The following RAD51B variants were observed in gnomAD, a reference collection of about 807,000 sequenced individuals.
The protein encoded by RAD51B is RAD51 paralog B.
In RAD51B, 38 loss-of-function variants were observed where a neutral mutation model predicts 42.2. The observed-to-expected ratio is 0.90, with a 90% CI of 0.70 to 1.18. The LOEUF (loss-of-function observed/expected upper bound fraction) is 1.18. Ranked by LOEUF, RAD51B falls within the 50% of genes most tolerant of loss-of-function variation. The pLI is 0.00. For synonymous variants in RAD51B, 154 were observed against 145.2 expected (o/e 1.06, Z -0.43); for missense variants, 373 against 400.7 (o/e 0.93, Z 0.59).
intron 7 of RAD51B, among the ~76,000 whole-genome samples, chr14:68,111,380 A>G (rs2077456965): frequency 6.6e-6 from 1 of 152,078 alleles, no homozygotes; most frequent in Non-Finnish European, 1.5e-5. Flanking sequence ...AATAGAGGCC[A>G]GGAATAAGTT....
At chr14:68,487,970 G>A (rs2140275776) in intron 10 of RAD51B, among the ~76,000 whole-genome samples, 1 of 152,192 alleles carries the variant, frequency 6.6e-6, no homozygotes, top group East Asian at 1.9e-4. Context: ...CTTCTTATCT[G>A]ATTGGGAAAA....
chr14:68,280,727 T>C (rs1370083320), intron 7 of RAD51B, among the ~76,000 whole-genome samples: 1 of 152,116 alleles, frequency 6.6e-6, no homozygotes, highest in Non-Finnish European at 1.5e-5. Flanking sequence ...ACATAAAAAG[T>C]CTTGTACTAA....
At chr14:68,084,821 G>A (rs146117314) in intron 7 of RAD51B, among the ~76,000 whole-genome samples, 30 of 152,190 alleles carry the variant, frequency 2.0e-4, no homozygotes, top group Non-Finnish European at 3.5e-4. Flanking sequence ...TGACTTGTAC[G>A]CTGCTGTGTG....
intron 9 of RAD51B, among the ~76,000 whole-genome samples, chr14:68,447,711 G>A (rs1477376888): frequency 1.3e-5 from 2 of 152,012 alleles, no homozygotes; most frequent in Non-Finnish European, 2.9e-5. Flanking sequence ...TTGGGTTTTA[G>A]TTAGCCATTC....
Position 68,087,893 on chromosome 14 carries a change from ATATTATTT to A in RAD51B, c.756+200690_756+200697del, listed in dbSNP as rs1566634259. Among the ~76,000 whole-genome samples the A allele has an allele frequency of 6.1e-4, 72 of 117,704 alleles. 2 individuals are homozygous for A. The highest frequency in any genetic ancestry group is 2.6e-3 in the African/African-American group (71 of 26,940). 77.2% of individuals were successfully genotyped at this position (117,704 alleles called of 152,430 possible). On this transcript the variant is annotated intron_variant, in intron 7 of 10. Coordinates refer to ENST00000471583, the MANE Select transcript of RAD51B (RefSeq NM_133510.4). The stretch of plus-strand genomic sequence containing the variant: ...TATATTATTTATATAATTATATAAT[ATATTATTT>A]ATATAATTATATAATATATTATATA...
intron 10 of RAD51B, among the ~76,000 whole-genome samples, chr14:68,641,531 T>G (rs1191780380): frequency 7.4e-6 from 1 of 135,452 alleles, no homozygotes; most frequent in African/African-American, 2.8e-5. Flanking sequence ...CTTCCTGATC[T>G]TAGTGGAAAA....
intron 7 of RAD51B, among the ~76,000 whole-genome samples, chr14:68,186,722 G>A (rs1444713816): frequency 6.6e-6 from 1 of 152,098 alleles, no homozygotes; most frequent in Admixed American, 6.5e-5. Context: ...ACAACATGTT[G>A]GCAAGACTGC....
chr14:68,465,784 A>G (rs1023316616), intron 9 of RAD51B, among the ~76,000 whole-genome samples: 220 of 151,944 alleles, frequency 1.4e-3, no homozygotes, highest in African/African-American at 5.0e-3. Flanking sequence ...CACTAAAAAT[A>G]TAAAAAATTA....
intron 7 of RAD51B, among the ~76,000 whole-genome samples, chr14:68,090,213 T>C (rs2077066803): frequency 6.6e-6 from 1 of 152,188 alleles, no homozygotes; most frequent in Non-Finnish European, 1.5e-5. Flanking sequence ...ATCTCGTTAA[T>C]CTTCCAGCAT....
chr14:68,349,583 C>T (rs1443158873), intron 8 of RAD51B, among the ~76,000 whole-genome samples: 1 of 152,156 alleles, frequency 6.6e-6, no homozygotes, highest in Non-Finnish European at 1.5e-5. Flanking sequence ...CCAGGCTGGT[C>T]TCGAACTCCA....
intron 9 of RAD51B, among the ~76,000 whole-genome samples, chr14:68,445,379 A>G (rs2085398587): frequency 1.3e-5 from 2 of 151,848 alleles, no homozygotes; most frequent in African/African-American, 4.8e-5. Context: ...TAAAAACAAC[A>G]ACGACAGTAA....
intron 7 of RAD51B, among the ~76,000 whole-genome samples, chr14:68,084,564 T>C (rs2076957368): frequency 6.6e-6 from 1 of 152,218 alleles, no homozygotes; most frequent in South Asian, 2.1e-4. Flanking sequence ...ATATGGATCC[T>C]GAACAGCTTT....
intron 11 of RAD51B, among the ~76,000 whole-genome samples, chr14:68,673,513 C>T (rs1284571525): frequency 6.6e-6 from 1 of 150,840 alleles, no homozygotes; most frequent in Non-Finnish European, 1.5e-5. Context: ...TGTATGTACA[C>T]ACATATGTAC....
intron 4 of RAD51B, 99 bp from the exon 5 acceptor site, chr14:67,864,904 A>T (rs2042274891): frequency 7.1e-7 from 1 of 1,416,600 alleles, no homozygotes; most frequent in Admixed American, 2.4e-5. Context: ...GACTGCATAT[A>T]TGGCAAAGTC....
At chr14:68,013,043 C>T (rs939340550) in intron 7 of RAD51B, among the ~76,000 whole-genome samples, 6 of 152,088 alleles carry the variant, frequency 3.9e-5, no homozygotes, top group African/African-American at 4.8e-5. Flanking sequence ...GTCAGGAATT[C>T]GGACAGGGCA....
chr14:68,358,693 C>G (rs1308920117), intron 8 of RAD51B, among the ~76,000 whole-genome samples: 1 of 152,122 alleles, frequency 6.6e-6, no homozygotes, highest in African/African-American at 2.4e-5. Context: ...AGGTCCTGTC[C>G]AAAAACTCTA....
intron 8 of RAD51B, among the ~76,000 whole-genome samples, chr14:68,327,749 A>G (rs1190333871): frequency 1.3e-5 from 2 of 152,190 alleles, no homozygotes; most frequent in Non-Finnish European, 2.9e-5. Context: ...TATAATATTC[A>G]TAAATTAAAG....
At chr14:68,028,950 C>T (rs1292264287) in intron 7 of RAD51B, among the ~76,000 whole-genome samples, 2 of 152,214 alleles carry the variant, frequency 1.3e-5, no homozygotes, top group Non-Finnish European at 2.9e-5. Context: ...TCTGTCTACT[C>T]CCTGGGCATA....
intron 9 of RAD51B, among the ~76,000 whole-genome samples, chr14:68,420,803 T>C (rs2084679559): frequency 6.6e-6 from 1 of 152,236 alleles, no homozygotes; most frequent in South Asian, 2.1e-4. Context: ...CTCCTGGGAA[T>C]ACAGACCAAT....
Sources: allele counts gnomAD v4.1 joint callset (sites outside exome capture counted in the v4.1 genomes callset), GRCh38; gene constraint gnomAD v4.1.1; transcripts MANE v1.5; gene names NCBI Gene and HGNC (gene_info 2026-07-23, HGNC 2026-07-21).